NBAS: variants seen among roughly 807,000 people sequenced by gnomAD.
The protein encoded by NBAS is NAG/BC035112 fusion.
NBAS carries 219 observed loss-of-function variants against 302.5 expected under a neutral mutation model. The ratio of observed to expected loss-of-function variants is 0.72; its 90% confidence interval spans 0.65 to 0.81. The LOEUF is 0.81. Ranked by LOEUF, NBAS falls within the 30% of genes least tolerant of loss-of-function variation. NBAS has a pLI of 0.00. For missense variants in NBAS, 2,932 were observed against 2,841.6 expected, an observed-to-expected ratio of 1.03 and a Z score of -0.72; for synonymous variants, 1,118 against 1,021.6, an observed-to-expected ratio of 1.09 and a Z score of -1.80.
intron 9 of NBAS, among the ~76,000 whole-genome samples, chr2:15,531,084 A>G (rs1663191508): frequency 6.6e-6 from 1 of 152,224 alleles, no homozygotes. Flanking sequence ...CAAATGATCA[A>G]TTAAGCACAT....
At chr2:14,994,695 C>T in the NBAS span, among the ~76,000 whole-genome samples, 1 of 152,184 alleles carries the variant, frequency 6.6e-6, no homozygotes, top group African/African-American at 2.4e-5. Flanking sequence ...ATTGCTATTC[C>T]TTGTCCTATC....
chr2:15,475,956 C>A, intron 13 of NBAS, 76 bp from the exon 14 acceptor site: 1 of 1,188,464 alleles, frequency 8.4e-7, no homozygotes, highest in Non-Finnish European at 1.2e-6. Flanking sequence ...GTATAATAAT[C>A]AATTTTAAAA....
chr2:15,319,840 T>C (rs2148196814), intron 38 of NBAS, among the ~76,000 whole-genome samples: 2 of 152,196 alleles, frequency 1.3e-5, no homozygotes, highest in Middle Eastern at 3.4e-3. Flanking sequence ...TACCATTCCT[T>C]CTGAAACGAT....
intron 48 of NBAS, among the ~76,000 whole-genome samples, chr2:15,204,708 A>G (rs556580009): frequency 6.6e-6 from 1 of 152,202 alleles, no homozygotes; most frequent in Non-Finnish European, 1.5e-5. Flanking sequence ...TGTCCTTTGT[A>G]GGGACATGGA....
the NBAS span, among the ~76,000 whole-genome samples, chr2:15,119,141 G>A: frequency 1.3e-5 from 2 of 152,070 alleles, no homozygotes; most frequent in South Asian, 4.2e-4. Flanking sequence ...ATTCCTCTGT[G>A]TCTCTAGGCA....
intron 26 of NBAS, among the ~76,000 whole-genome samples, chr2:15,400,692 A>G (rs1231600253): frequency 6.6e-6 from 1 of 152,172 alleles, no homozygotes; most frequent in Non-Finnish European, 1.5e-5. Flanking sequence ...CAGTCTTAGA[A>G]TTCCCTGACT....
chr2:15,089,748 T>G, the NBAS span, among the ~76,000 whole-genome samples: 11 of 138,208 alleles, frequency 8.0e-5, no homozygotes, highest in Non-Finnish European at 1.4e-4. Flanking sequence ...AGGACTTTTT[T>G]TTTTTTTTTT....
the NBAS span, among the ~76,000 whole-genome samples, chr2:14,978,602 A>C: frequency 9.2e-5 from 14 of 152,224 alleles, no homozygotes; most frequent in Non-Finnish European, 2.1e-4. Flanking sequence ...ACACTTGTTA[A>C]ATTGAATGAC....
chr2:15,249,698 T>G (rs1433149826), intron 44 of NBAS, among the ~76,000 whole-genome samples: 1 of 152,118 alleles, frequency 6.6e-6, no homozygotes, highest in Non-Finnish European at 1.5e-5. Flanking sequence ...ATGAGTGAAT[T>G]CCCATTCACA....
intron 34 of NBAS, 34 bp from the exon 35 acceptor site, chr2:15,352,115 T>TAAA (rs781218195): frequency 6.7e-7 from 1 of 1,487,560 alleles, no homozygotes; most frequent in Admixed American, 1.7e-5. Flanking sequence ...GTAAAGGAGT[T>TAAA]ACGTTTTTAA....
At chr2:15,182,916 A>G (rs1170357243) in intron 50 of NBAS, among the ~76,000 whole-genome samples, 1 of 152,180 alleles carries the variant, frequency 6.6e-6, no homozygotes, top group African/African-American at 2.4e-5. Flanking sequence ...GTCTGTAAGC[A>G]TGGGAGCTTA....
At chr2:14,868,858 A>C in the NBAS span, among the ~76,000 whole-genome samples, 1 of 152,248 alleles carries the variant, frequency 6.6e-6, no homozygotes, top group African/African-American at 2.4e-5. Flanking sequence ...AGCATAGGGA[A>C]TAGAAAGATG....
the NBAS span, among the ~76,000 whole-genome samples, chr2:14,995,542 C>A: frequency 6.6e-6 from 1 of 152,326 alleles, no homozygotes; most frequent in East Asian, 1.9e-4. Context: ...TACAACATCA[C>A]ATGGAATAGG....
At chr2:14,892,294 T>C in the NBAS span, among the ~76,000 whole-genome samples, 4 of 151,458 alleles carry the variant, frequency 2.6e-5, no homozygotes, top group African/African-American at 9.7e-5. Flanking sequence ...GAGGCAGCAA[T>C]GATCAATAAA....
chr2:15,349,740 G>T (rs780559749), intron 35 of NBAS, among the ~76,000 whole-genome samples: 1 of 151,904 alleles, frequency 6.6e-6, no homozygotes, highest in Non-Finnish European at 1.5e-5. Context: ...GATCACTTGA[G>T]GCCAGGAGTT....
At chr2:15,046,565 G>T in the NBAS span, among the ~76,000 whole-genome samples, 1 of 152,174 alleles carries the variant, frequency 6.6e-6, no homozygotes, top group Non-Finnish European at 1.5e-5. Context: ...ACAAGAAGTG[G>T]CTGGTGCTGT....
chr2:15,159,786 T>TACAC, the NBAS span, among the ~76,000 whole-genome samples: 26 of 144,882 alleles, frequency 1.8e-4, 1 homozygote, highest in South Asian at 3.3e-3. Flanking sequence ...TTACCAGTCA[T>TACAC]ACACACACAC....
the NBAS span, among the ~76,000 whole-genome samples, chr2:14,929,195 G>T: frequency 6.6e-6 from 1 of 152,138 alleles, no homozygotes; most frequent in African/African-American, 2.4e-5. Context: ...TTTCTGAAGA[G>T]GGTCCACTTT....
chr2:14,834,386 C>T, the NBAS span, among the ~76,000 whole-genome samples: 1 of 152,128 alleles, frequency 6.6e-6, no homozygotes, highest in Non-Finnish European at 1.5e-5. Flanking sequence ...TTTGAGTGCT[C>T]TCTCAGCTTT....
Sources: gnomAD v4.1 joint callset for allele counts (sites outside exome capture counted in the v4.1 genomes callset) on GRCh38, gnomAD v4.1.1 for gene constraint, MANE v1.5 for transcripts, NCBI Gene and HGNC (gene_info 2026-07-23, HGNC 2026-07-21) for gene names.